SERPINH1: variants seen among roughly 807,000 people sequenced by gnomAD.
SERPINH1 encodes serpin H1.
A neutral mutation model predicts 32.3 loss-of-function variants in SERPINH1; 22 were observed. The ratio of observed to expected loss-of-function variants is 0.68; its 90% CI spans 0.49 to 0.97. SERPINH1 has a LOEUF of 0.97. Among genes scored for constraint, SERPINH1 ranks in the 50% least tolerant of loss-of-function variants. The pLI is 0.00. For missense variants in SERPINH1, 543 were observed against 576.4 expected (o/e 0.94, Z 0.59); for synonymous variants, 251 against 245.9 (o/e 1.02, Z -0.19).
chr11:75,562,838 G>A (rs1942002056), intron 1 of SERPINH1: 1 of 152,284 alleles, frequency 6.6e-6, no homozygotes, highest in Non-Finnish European at 1.5e-5. Context: ...GAGGGAATTT[G>A]AGCTTCCGGT....
rs1380379742 is a variant in SERPINH1, at chr11:75,572,345, G to C, written c.*262G>C. On this transcript the variant is annotated 3_prime_UTR_variant, in exon 5 of 5. Coordinates refer to ENST00000358171, the MANE Select transcript of SERPINH1 (RefSeq NM_001235.5). ...GACCTGGGCCATAGTCATTCTGCCTGCCCTGAAAGTCCCAGATCAAGCCTG... is the reference window on the plus strand; with the variant it reads ...GACCTGGGCCATAGTCATTCTGCCTCCCCTGAAAGTCCCAGATCAAGCCTG... 5.4e-6 allele frequency: 3 copies of C among 553,778 alleles called. No individual in the cohort carries two copies. Among genetic ancestry groups the C allele is most frequent in the Non-Finnish European group, 9.8e-6 (3 of 307,000 alleles). The allele number at this position is 553,778 out of a possible 1,614,324, so 34.3% of individuals were successfully genotyped here.
chr11:75,566,498 T>A lies in SERPINH1; in HGVS notation c.149T>A (p.Leu50Gln), dbSNP rs772706450. 6.2e-7 allele frequency: 1 copy of A among 1,612,472 alleles called. No homozygotes were observed. Residue 50 changes from leucine (L) to glutamine (Q), a missense_variant, in exon 2 of 5, where the codon CTG becomes CAG. Coordinates refer to ENST00000358171, the MANE Select transcript of SERPINH1 (RefSeq NM_001235.5). ...ACGCTTGCCGAGCGCAGCGCCGGCC[T>A]GGCCTTCAGCTTGTACCAGGCCATG... ...AATLAERSAGLAFSLYQAMAK... is the reference protein window; with the variant it reads ...AATLAERSAGQAFSLYQAMAK...
In SERPINH1 at chr11:75,569,159, C is replaced by T; in HGVS notation, c.942C>T (p.Thr314=). The change falls in exon 4 of 5, where the codon ACC becomes ACT. Residue 314 remains threonine (T), a synonymous_variant. Coordinates refer to ENST00000358171, the MANE Select transcript of SERPINH1 (RefSeq NM_001235.5). The stretch of plus-strand genomic sequence containing the variant: ...TGCCCAAGGGTGTGGTGGAGGTGAC[C>T]CATGACCTGCAGGTAAGGGGTGGCC... ...ISLPKGVVEV[T]HDLQKHLAGL... 2 of 1,608,758 alleles carry T rather than the reference C, an allele frequency of 1.2e-6. No homozygotes were observed. Among genetic ancestry groups the T allele is most frequent in the Non-Finnish European group, 1.7e-6 (2 of 1,177,298 alleles).
chr11:75,568,504 C>T (rs189069347), intron 2 of SERPINH1: 240 of 606,212 alleles, frequency 4.0e-4, no homozygotes, highest in Non-Finnish European at 6.3e-4. Context: ...CAGGCACTGA[C>T]TGTAGGGAAC....
chr11:75,566,613 C>T lies in SERPINH1; in HGVS notation c.264C>T (p.Thr88=), dbSNP rs374032433. 1.2e-6 allele frequency: 2 copies of T among 1,607,368 alleles called. No individual in the cohort carries two copies. The highest frequency in any genetic ancestry group is 1.7e-6 in the Non-Finnish European group (2 of 1,179,038). ...TCGTGTCGCTGGGCGGCAAGGCGACCACGGCGTCGCAGGCCAAGGCAGTGC... is the reference window on the plus strand; with the variant it reads ...TCGTGTCGCTGGGCGGCAAGGCGACTACGGCGTCGCAGGCCAAGGCAGTGC... The part of the protein sequence containing the change: ...LGLVSLGGKA[T]TASQAKAVLS... The change falls in exon 2 of 5, where the codon ACC becomes ACT. Residue 88 remains threonine (T), a synonymous_variant. Transcript: ENST00000358171.
At chr11:75,565,464 C>G (rs1032829297) in intron 1 of SERPINH1, among the ~76,000 whole-genome samples, 1 of 152,180 alleles carries the variant, frequency 6.6e-6, no homozygotes, top group Non-Finnish European at 1.5e-5. Context: ...GAGTTGGTCC[C>G]CCAGGAGCTT....
chr11:75,564,891 A>G (rs1432931534), intron 1 of SERPINH1, among the ~76,000 whole-genome samples: 3 of 152,194 alleles, frequency 2.0e-5, no homozygotes, highest in African/African-American at 7.2e-5. Flanking sequence ...CCAGAAATAC[A>G]GTGGTCCCCA....
In SERPINH1 at chr11:75,572,432, A is replaced by T; in HGVS notation, c.*349A>T. 2.7e-6 allele frequency: 1 copy of T among 368,312 alleles called. No individual in the cohort carries two copies. The highest frequency in any genetic ancestry group is 6.7e-5 in the East Asian group (1 of 14,970). The allele number at this position is 368,312 out of a possible 1,614,324, so 22.8% of individuals were successfully genotyped here. A position where few individuals can be genotyped will look rare whatever the true frequency, so the allele number is the denominator to read the frequency against. On this transcript the variant is annotated 3_prime_UTR_variant, in exon 5 of 5. Coordinates refer to ENST00000358171, the MANE Select transcript of SERPINH1 (RefSeq NM_001235.5). ...CTCACCTGTGAGACCAAATTGAGCT[A>T]GGGGGGTCAGCCAGCCCTCTTCTGA...
intron 2 of SERPINH1, 150 bp downstream of exon 2, chr11:75,567,121 C>G: frequency 1.1e-6 from 1 of 908,248 alleles, no homozygotes; most frequent in Non-Finnish European, 1.6e-6. Context: ...GCTTTTTGTA[C>G]AGACTGGAAA....
At chr11:75,565,675 C>T (rs1744286649) in intron 1 of SERPINH1, among the ~76,000 whole-genome samples, 2 of 152,192 alleles carry the variant, frequency 1.3e-5, no homozygotes, top group Admixed American at 1.3e-4. Context: ...CATCTTGGCT[C>T]CCCATTTAAT....
intron 4 of SERPINH1, among the ~76,000 whole-genome samples, chr11:75,570,370 G>C (rs1942175412): frequency 6.6e-6 from 1 of 152,098 alleles, no homozygotes; most frequent in Admixed American, 6.5e-5. Context: ...GGAGTTCCTG[G>C]AGAGGGGTCA....
At chr11:75,564,431 C>G (rs551618409) in intron 1 of SERPINH1, among the ~76,000 whole-genome samples, 1 of 152,310 alleles carries the variant, frequency 6.6e-6, no homozygotes, top group Non-Finnish European at 1.5e-5. Flanking sequence ...GGAAGGAAGG[C>G]TGTTGGCCTC....
At chr11:75,570,563 C>T (rs1037622764) in intron 4 of SERPINH1, among the ~76,000 whole-genome samples, 5 of 152,136 alleles carry the variant, frequency 3.3e-5, no homozygotes, top group African/African-American at 1.2e-4. Flanking sequence ...GCAAGGTCAT[C>T]CGGGTGGGAA....
At chr11:75,571,733 G>C (rs1377668964) in intron 4 of SERPINH1, 48 bp from the exon 5 acceptor site, 2 of 1,577,688 alleles carry the variant, frequency 1.3e-6, no homozygotes, top group East Asian at 2.2e-5. Context: ...GAGGGTGGAG[G>C]AGCCTGGCAG....
At position 75,571,832 on chromosome 11, in the gene SERPINH1, G is replaced by A. The variant is rs771911618; in HGVS notation, c.1006G>A (p.Asp336Asn). ...LTEAIDKNKADLSRMSGKKDL... is the reference protein window; with the variant it reads ...LTEAIDKNKANLSRMSGKKDL... ...TGAGGCCATTGACAAGAACAAGGCC[G>A]ACTTGTCACGCATGTCAGGCAAGAA... Residue 336 changes from aspartate (D) to asparagine (N), a missense_variant, in exon 5 of 5, where the codon GAC becomes AAC. Asp to Asn is a conservative substitution (Grantham distance 23, BLOSUM62 1). This residue lies in a region of SERPINH1 where 427 missense variants were observed against 446.4 expected (regional missense o/e 0.96). Coordinates refer to ENST00000358171, the MANE Select transcript of SERPINH1 (RefSeq NM_001235.5). The A allele has an allele frequency of 1.2e-5, 19 of 1,614,126 alleles. No individual in the cohort carries two copies. The highest frequency in any genetic ancestry group is 1.1e-4 in the South Asian group (10 of 91,086).
chr11:75,563,592 C>G (rs1207279267), intron 1 of SERPINH1: 1 of 152,650 alleles, frequency 6.6e-6, no homozygotes, highest in Non-Finnish European at 1.5e-5. Flanking sequence ...CCTTGTTTCT[C>G]CCATTTTACA....
chr11:75,568,485 T>C (rs1218326983), intron 2 of SERPINH1: 2 of 559,662 alleles, frequency 3.6e-6, no homozygotes, highest in Non-Finnish European at 6.5e-6. Flanking sequence ...CTCTATCATA[T>C]GGGAGCAGCA....
At position 75,566,501 on chromosome 11, in the gene SERPINH1, C is replaced by A. The variant is rs1392780279; in HGVS notation, c.152C>A (p.Ala51Asp). Residue 51 changes from alanine (A) to aspartate (D), a missense_variant, in exon 2 of 5, where the codon GCC (alanine) becomes GAC (aspartate). Physicochemically the swap from Ala to Asp is moderately radical, Grantham distance 126 (BLOSUM62 -2). Coordinates refer to ENST00000358171, the MANE Select transcript of SERPINH1 (RefSeq NM_001235.5). ...ATLAERSAGLAFSLYQAMAKD... is the reference protein window; with the variant it reads ...ATLAERSAGLDFSLYQAMAKD... ...CTTGCCGAGCGCAGCGCCGGCCTGG[C>A]CTTCAGCTTGTACCAGGCCATGGCC... 1 of 1,612,410 alleles carries A rather than the reference C, an allele frequency of 6.2e-7. No homozygotes were observed. Among genetic ancestry groups the A allele is most frequent in the Non-Finnish European group, 8.5e-7 (1 of 1,179,790 alleles).
intron 1 of SERPINH1, chr11:75,563,691 G>C (rs917838177): frequency 2.6e-5 from 4 of 152,776 alleles, no homozygotes; most frequent in African/African-American, 9.6e-5. Flanking sequence ...CTCCTTTGCC[G>C]GCTCCCGCCC....
Sources: allele counts gnomAD v4.1 joint callset (sites outside exome capture counted in the v4.1 genomes callset), GRCh38; gene constraint gnomAD v4.1.1; regional missense constraint gnomAD v4.1.1; transcripts MANE v1.5; gene names NCBI Gene and HGNC (gene_info 2026-07-23, HGNC 2026-07-21).